Variants in MCCC2 observed in about 807,000 individuals in gnomAD.
The protein encoded by MCCC2 is methylcrotonoyl-CoA carboxylase beta chain, mitochondrial.
MCCC2 carries 52 observed loss-of-function variants against 77.2 expected under a neutral mutation model. The ratio of observed to expected loss-of-function variants is 0.67; its 90% CI spans 0.54 to 0.85. MCCC2 has a LOEUF of 0.85. Among genes scored for constraint, MCCC2 ranks in the 40% least tolerant of loss-of-function variants. MCCC2 has a pLI of 0.00. For synonymous variants in MCCC2, 253 were observed against 248.4 expected, an observed-to-expected ratio of 1.02 and a Z score of -0.18; for missense variants, 682 against 703.2, an observed-to-expected ratio of 0.97 and a Z score of 0.34.
rs774223849 is a variant in MCCC2, at chr5:71,649,211, C to A, written c.1331C>A (p.Ser444Tyr). Residue 444 changes from serine (S) to tyrosine (Y), a missense_variant, in exon 14 of 17, where the codon TCC (serine) becomes TAC (tyrosine). Physicochemically the swap from Ser to Tyr is moderately radical, Grantham distance 144. Coordinates refer to ENST00000340941, the MANE Select transcript of MCCC2 (RefSeq NM_022132.5). Reference sequence around the variant, plus strand: ...AAGATAACCCTCATCATTGGGGGCTCCTATGGAGCCGGAAACTATGGGATG... The same window carrying A: ...AAGATAACCCTCATCATTGGGGGCTACTATGGAGCCGGAAACTATGGGATG... ...VPKITLIIGG[S>Y]YGAGNYGMCG... is the part of the protein sequence containing the mutation. The A allele has an allele frequency of 6.2e-7, 1 of 1,614,168 alleles. No individual in the cohort carries two copies. The highest frequency in any genetic ancestry group is 1.1e-5 in the South Asian group (1 of 91,086).
intron 6 of MCCC2, among the ~76,000 whole-genome samples, chr5:71,622,030 C>A (rs1334766402): frequency 6.6e-6 from 1 of 151,942 alleles, no homozygotes; most frequent in East Asian, 1.9e-4. Flanking sequence ...GCCTGTAATC[C>A]CAGCACTTTG....
In MCCC2 at chr5:71,657,830, G is replaced by T. The variant is rs368250327; in HGVS notation, c.*970G>T. 2 of 152,166 alleles carry T rather than the reference G, an allele frequency of 1.3e-5. No individual in the cohort carries two copies. Among genetic ancestry groups the T allele is most frequent in the African/African-American group, 4.8e-5 (2 of 41,438 alleles). The allele number at this position is 152,166 out of a possible 1,614,324, so 9.4% of individuals were successfully genotyped here. On this transcript the variant is annotated 3_prime_UTR_variant, in exon 17 of 17. Transcript: ENST00000340941. ...CTTCACTCGCCATCTAAATGCAGAT[G>T]ATTACTGCCTTGACGGTTCTTAACC...
chr5:71,612,446 C>T (rs1745992066), intron 6 of MCCC2, among the ~76,000 whole-genome samples: 1 of 152,184 alleles, frequency 6.6e-6, no homozygotes, highest in Non-Finnish European at 1.5e-5. Flanking sequence ...GAAACTTCGG[C>T]TTTGCTTACT....
intron 4 of MCCC2, 120 bp downstream of exon 4, chr5:71,599,880 GA>G: frequency 2.4e-6 from 2 of 844,274 alleles, no homozygotes; most frequent in Admixed American, 2.0e-5. Context: ...TATTATGTAG[GA>G]CTGGCTGGGT....
At chr5:71,612,915 A>G (rs984284896) in intron 6 of MCCC2, among the ~76,000 whole-genome samples, 1 of 152,230 alleles carries the variant, frequency 6.6e-6, no homozygotes, top group African/African-American at 2.4e-5. Flanking sequence ...TCTGGAAGCC[A>G]TAACTCTGCA....
Position 71,603,874 on chromosome 5 carries a change from A to G in MCCC2, c.512-482A>G, listed in dbSNP as rs546111905. Among the ~76,000 whole-genome samples the G allele has an allele frequency of 5.9e-5, 9 of 152,242 alleles. No individual in the cohort carries two copies. The East Asian group carries it at 1.5e-3, about 26-fold the overall frequency. On this transcript the variant is annotated intron_variant, in intron 5 of 16. Coordinates refer to ENST00000340941, the MANE Select transcript of MCCC2 (RefSeq NM_022132.5). Reference sequence around the variant, plus strand: ...GAAACCGGGGCATAGGATGGCTAGGAAACACACCTATAATCACACAGCTGT... The same window carrying G: ...GAAACCGGGGCATAGGATGGCTAGGGAACACACCTATAATCACACAGCTGT...
chr5:71,647,778 G>A (rs930162543), intron 13 of MCCC2, among the ~76,000 whole-genome samples: 2 of 152,282 alleles, frequency 1.3e-5, no homozygotes, highest in East Asian at 1.9e-4. Context: ...GACAGTCTTC[G>A]AGTACCTCTG....
intron 14 of MCCC2, 144 bp from the exon 15 acceptor site, chr5:71,649,925 A>G: frequency 1.4e-6 from 1 of 704,082 alleles, no homozygotes; most frequent in Non-Finnish European, 2.6e-6. Flanking sequence ...TGTTCCAGGC[A>G]TTTGTATATT....
chr5:71,650,712 G>A (rs111961928), intron 15 of MCCC2, among the ~76,000 whole-genome samples: 18,277 of 152,052 alleles, frequency 0.12, 1,360 homozygotes, highest in African/African-American at 0.2. Context: ...GCAGTGGCAC[G>A]ATCTCGGCTC....
At chr5:71,600,713 A>G (rs1012345215) in intron 4 of MCCC2, among the ~76,000 whole-genome samples, 1 of 152,204 alleles carries the variant, frequency 6.6e-6, no homozygotes, top group Non-Finnish European at 1.5e-5. Flanking sequence ...AAAAGAGGAT[A>G]TATTGATTCT....
At position 71,636,666 on chromosome 5, in the gene MCCC2, C is replaced by G. The variant is rs1746941675; in HGVS notation, c.999+1420C>G. 2.0e-5 allele frequency: 3 copies of G among 151,762 alleles called. No homozygotes were observed. The South Asian group carries it at 6.3e-4, about 32-fold the overall frequency. The allele number at this position is 151,762 out of a possible 1,614,324, so 9.4% of individuals were successfully genotyped here. ...AGTGAACCGAGATTGCACTACTGCA[C>G]TCCAGCCTGGGTGACAGAGTGAGAC... On this transcript the variant is annotated intron_variant, in intron 10 of 16. Transcript: ENST00000340941.
chr5:71,636,043 C>T (rs913297462), intron 10 of MCCC2: 5 of 352,226 alleles, frequency 1.4e-5, no homozygotes, highest in East Asian at 8.2e-5. Context: ...ATAGTCTATA[C>T]GTATATTTTT....
chr5:71,617,515 A>G (rs1227857299), intron 6 of MCCC2, among the ~76,000 whole-genome samples: 1 of 152,222 alleles, frequency 6.6e-6, no homozygotes, highest in Non-Finnish European at 1.5e-5. Context: ...TTATTAAAAG[A>G]TAAATCTCCT....
Position 71,605,030 on chromosome 5 carries a change from C to T in MCCC2, c.624+562C>T, listed in dbSNP as rs1468991478. On this transcript the variant is annotated intron_variant, in intron 6 of 16. Transcript: ENST00000340941. ...AAGTCTTTGCTATTGTGAATAATGC[C>T]GCAATAAACATACGTGTGCATGTGT... 2.0e-3 allele frequency among the ~76,000 whole-genome samples: 226 copies of T among 111,762 alleles called. 2 individuals carry two copies. The highest frequency in any genetic ancestry group is 6.1e-3 in the African/African-American group (193 of 31,724). 73.3% of individuals were successfully genotyped at this position (111,762 alleles called of 152,430 possible). A position where few individuals can be genotyped will look rare whatever the true frequency, so the allele number is the denominator to read the frequency against.
chr5:71,592,760 A>G (rs1745028304), intron 1 of MCCC2, 166 bp from the exon 2 acceptor site: 1 of 660,520 alleles, frequency 1.5e-6, no homozygotes, highest in African/African-American at 1.8e-5. Context: ...TCTTTTCCAT[A>G]CGATCCAGTG....
Position 71,652,739 on chromosome 5 carries a change from AC to A in MCCC2, c.1560del (p.Tyr521IlefsTer33). The part of the protein sequence containing the change: ...IKKFEEEGNP[Y>X]YSSARVWDDG... ...AAGTTTGAAGAGGAAGGAAACCCTT[AC>A]TATTCCAGCGCAAGGTGGGGGCCAG... On this transcript the variant is annotated frameshift_variant, in exon 16 of 17. Coordinates refer to ENST00000340941, the MANE Select transcript of MCCC2 (RefSeq NM_022132.5). LOFTEE classifies it high-confidence loss of function. The A allele has an allele frequency of 6.2e-7, 1 of 1,614,170 alleles. No individual in the cohort carries two copies. Among genetic ancestry groups the A allele is most frequent in the Non-Finnish European group, 8.5e-7 (1 of 1,179,994 alleles).
chr5:71,645,745 C>T (rs534830995), intron 12 of MCCC2, among the ~76,000 whole-genome samples: 1 of 152,316 alleles, frequency 6.6e-6, no homozygotes, highest in Admixed American at 6.5e-5. Context: ...TGACCTCATC[C>T]TTGACGCAAC....
intron 4 of MCCC2, 144 bp downstream of exon 4, chr5:71,599,904 G>T (rs190287592): frequency 4.1e-6 from 3 of 738,826 alleles, no homozygotes; most frequent in Non-Finnish European, 7.1e-6. Flanking sequence ...GGTGGCTCAC[G>T]CCTGTAATCC....
intron 11 of MCCC2, among the ~76,000 whole-genome samples, chr5:71,642,885 C>A (rs1432620693): frequency 6.6e-6 from 1 of 152,064 alleles, no homozygotes; most frequent in African/African-American, 2.4e-5. Flanking sequence ...GGCCTATAGT[C>A]CCAGCTGCTT....
Sources: allele counts gnomAD v4.1 joint callset (sites outside exome capture counted in the v4.1 genomes callset), GRCh38; gene constraint gnomAD v4.1.1; transcripts MANE v1.5; gene names NCBI Gene and HGNC (gene_info 2026-07-23, HGNC 2026-07-21).